The following LEMD1 variants were observed in gnomAD, a reference collection of about 807,000 sequenced individuals.
LEMD1 encodes the protein LEM domain containing 1, also known as LEM domain-containing protein 1.
In LEMD1, 18 loss-of-function variants were observed where a neutral mutation model predicts 17.4. The ratio of observed to expected loss-of-function variants is 1.04; its 90% CI spans 0.72 to 1.54. LEMD1 has a LOEUF of 1.54. Among genes scored for constraint, LEMD1 ranks in the 40% most tolerant of loss-of-function variants. The probability of loss-of-function intolerance (pLI) is 0.00; values close to 1 mark genes in which losing one functional copy is unlikely to be tolerated. For synonymous variants in LEMD1, 88 were observed against 77.8 expected, an observed-to-expected ratio of 1.13 and a Z score of -0.69; for missense variants, 195 against 210.4, an observed-to-expected ratio of 0.93 and a Z score of 0.45.
At chr1:205,443,169 G>C (rs1299506079) in intron 1 of LEMD1, among the ~76,000 whole-genome samples, 1 of 152,048 alleles carries the variant, frequency 6.6e-6, no homozygotes, top group Non-Finnish European at 1.5e-5. Context: ...AAAATACATG[G>C]GGAGAAATTG....
Position 205,419,330 on chromosome 1 carries a change from T to C in LEMD1, c.105A>G (p.Glu35=), listed in dbSNP as rs750127338. ...PILPSTRKLY[E]KKLVQLLVSP... is the part of the protein sequence containing the mutation. ...AGACCAACAACTGTACTAACTTTTT[T>C]TCATACAACTTTCTGGTGGAAGCTG... The change falls in exon 3 of 6, where the codon GAA becomes GAG. Residue 35 remains glutamate (E), a synonymous_variant. Coordinates refer to ENST00000367153, the MANE Select transcript of LEMD1 (RefSeq NM_001199050.2). The C allele has an allele frequency of 5.6e-6, 9 of 1,614,256 alleles. No individual in the cohort carries two copies. In the South Asian group the frequency reaches 9.9e-5, roughly 18 times the overall value.
chr1:205,389,118 G>A (rs547038434), intron 4 of LEMD1, among the ~76,000 whole-genome samples: 9 of 130,530 alleles, frequency 6.9e-5, no homozygotes, highest in Non-Finnish European at 9.3e-5. Context: ...CCACAATCTC[G>A]GCTCACTGCA....
intron 1 of LEMD1, chr1:205,437,492 T>TG (rs1186462794): frequency 6.6e-6 from 1 of 152,226 alleles, no homozygotes; most frequent in Non-Finnish European, 1.5e-5. Context: ...TCCTGGGCCC[T>TG]GGCTAGGGGA....
At chr1:205,423,188 G>C (rs970326641), upstream of LEMD1, among the ~76,000 whole-genome samples, 1 of 152,118 alleles carries the variant, frequency 6.6e-6, no homozygotes, top group South Asian at 2.1e-4. Flanking sequence ...GGTTATGAAG[G>C]CTCATTGAGT....
At chr1:205,419,104 G>C (rs1386239455) in intron 3 of LEMD1, 126 bp downstream of exon 3, 4 of 1,094,738 alleles carry the variant, frequency 3.7e-6, no homozygotes, top group Admixed American at 2.4e-5. Context: ...CAGGCTTTCT[G>C]TGCAAAGAGG....
chr1:205,433,313 G>A (rs1276739669), intron 1 of LEMD1, among the ~76,000 whole-genome samples: 4 of 152,028 alleles, frequency 2.6e-5, no homozygotes, highest in African/African-American at 9.7e-5. Context: ...AAAAATTAGT[G>A]AGGCGTGGTG....
At chr1:205,440,231 C>A (rs1394544373) in intron 1 of LEMD1, among the ~76,000 whole-genome samples, 2 of 152,134 alleles carry the variant, frequency 1.3e-5, no homozygotes, top group Non-Finnish European at 2.9e-5. Flanking sequence ...GGCAAGGAGG[C>A]ACAGGCATCA....
intron 1 of LEMD1, chr1:205,437,909 G>A (rs1326281977): frequency 6.6e-6 from 1 of 152,106 alleles, no homozygotes; most frequent in African/African-American, 2.4e-5. Context: ...ATTTCAGTTA[G>A]TTAATTATTG....
intron 3 of LEMD1, 69 bp downstream of exon 3, chr1:205,419,161 A>G: frequency 1.3e-6 from 2 of 1,568,926 alleles, no homozygotes; most frequent in Non-Finnish European, 1.7e-6. Context: ...TTAAAGCTGC[A>G]TAAATCATGC....
chr1:205,409,917 C>T (rs1293607027), intron 4 of LEMD1, among the ~76,000 whole-genome samples: 4 of 151,982 alleles, frequency 2.6e-5, no homozygotes, highest in African/African-American at 9.7e-5. Flanking sequence ...GGATTACAGG[C>T]ATGCACCACC....
intron 1 of LEMD1, among the ~76,000 whole-genome samples, chr1:205,445,009 G>A (rs1027963350): frequency 5.3e-5 from 8 of 151,860 alleles, no homozygotes; most frequent in South Asian, 2.1e-4. Context: ...TTAGCACCGC[G>A]TCTCAGTAAT....
At chr1:205,403,035 A>G (rs2102390247) in intron 4 of LEMD1, among the ~76,000 whole-genome samples, 1 of 152,072 alleles carries the variant, frequency 6.6e-6, no homozygotes, top group East Asian at 1.9e-4. Context: ...CCAGCCTTGC[A>G]ACCCAGGGAT....
At chr1:205,389,071 T>C (rs1450515493) in intron 4 of LEMD1, among the ~76,000 whole-genome samples, 1 of 113,668 alleles carries the variant, frequency 8.8e-6, no homozygotes, top group Non-Finnish European at 1.7e-5. Context: ...TTTTTTGAGA[T>C]AGAGTCTTGC....
intron 4 of LEMD1, among the ~76,000 whole-genome samples, chr1:205,396,064 G>C (rs955369293): frequency 2.6e-5 from 4 of 152,084 alleles, no homozygotes; most frequent in African/African-American, 9.7e-5. Context: ...CTAGAATGCA[G>C]TGGCAGGATC....
chr1:205,439,910 T>G (rs1332400385), intron 1 of LEMD1, among the ~76,000 whole-genome samples: 4 of 148,996 alleles, frequency 2.7e-5, no homozygotes, highest in South Asian at 2.1e-4. Context: ...GCTTCCTACC[T>G]CCTGGAAATG....
At chr1:205,408,781 C>T (rs566817004) in intron 4 of LEMD1, among the ~76,000 whole-genome samples, 6 of 151,688 alleles carry the variant, frequency 4.0e-5, no homozygotes, top group East Asian at 1.9e-4. Flanking sequence ...ATTAAAGAAG[C>T]GAGCCATCAA....
chr1:205,400,821 G>A (rs566227611), intron 4 of LEMD1, among the ~76,000 whole-genome samples: 3 of 143,366 alleles, frequency 2.1e-5, no homozygotes, highest in African/African-American at 5.1e-5. Flanking sequence ...TTAGCATTAG[G>A]TATATCTCCT....
intron 4 of LEMD1, among the ~76,000 whole-genome samples, chr1:205,390,627 A>G (rs1297919833): frequency 1.3e-5 from 2 of 152,208 alleles, no homozygotes; most frequent in Non-Finnish European, 2.9e-5. Flanking sequence ...AAAGTATTAC[A>G]ATTGCAAAGA....
Position 205,389,347 on chromosome 1 carries a change from C to A in LEMD1, c.271-4983G>T, listed in dbSNP as rs569723697. Among the ~76,000 whole-genome samples the A allele has an allele frequency of 2.5e-4, 38 of 152,082 alleles. 1 individual carries two copies. Among genetic ancestry groups the A allele is most frequent in the Admixed American group, 1.6e-3 (25 of 15,260 alleles). Reference sequence around the variant, plus strand: ...TACAGGCGTGAGCCACTGTGCCCAGCCTACATTTGGTTTTTTAAAAATAAT... The same window carrying A: ...TACAGGCGTGAGCCACTGTGCCCAGACTACATTTGGTTTTTTAAAAATAAT... On this transcript the variant is annotated intron_variant, in intron 4 of 5. Coordinates refer to ENST00000367153, the MANE Select transcript of LEMD1 (RefSeq NM_001199050.2).
Sources: gnomAD v4.1 joint callset for allele counts (sites outside exome capture counted in the v4.1 genomes callset) on GRCh38, gnomAD v4.1.1 for gene constraint, MANE v1.5 for transcripts, NCBI Gene and HGNC (gene_info 2026-07-23, HGNC 2026-07-21) for gene names.